The following CHAF1A variants were observed in gnomAD, a reference collection of about 807,000 sequenced individuals.
The protein encoded by CHAF1A is CAF-1 subunit A.
In CHAF1A, 5 loss-of-function variants were observed where a neutral mutation model predicts 93.2. The observed-to-expected ratio is 0.05, with a 90% CI of 0.03 to 0.11. The LOEUF is 0.11. CHAF1A is among the 10% of genes least tolerant of loss of function. The pLI is 1.00. For missense variants in CHAF1A, 1,102 were observed against 1,259.9 expected, an observed-to-expected ratio of 0.87 and a Z score of 1.90; for synonymous variants, 504 against 510.3, an observed-to-expected ratio of 0.99 and a Z score of 0.17.
At chr19:4,434,720 A>G (rs548602406) in intron 13 of CHAF1A, among the ~76,000 whole-genome samples, 3 of 151,966 alleles carry the variant, frequency 2.0e-5, no homozygotes, top group Non-Finnish European at 2.9e-5. Context: ...TTTTTGTTCA[A>G]CGGTTCTTGA....
intron 12 of CHAF1A, 75 bp from the exon 13 acceptor site, chr19:4,432,995 A>G: frequency 8.5e-7 from 1 of 1,172,834 alleles, no homozygotes. Flanking sequence ...GAGCTTGTGT[A>G]TGTGTTTTGT....
chr19:4,405,047 T>C (rs1973654963), intron 1 of CHAF1A, among the ~76,000 whole-genome samples: 2 of 152,124 alleles, frequency 1.3e-5, no homozygotes, highest in South Asian at 4.1e-4. Flanking sequence ...TGTTTGGGGA[T>C]CATGGGAATG....
downstream of CHAF1A, chr19:4,449,545 A>G (rs1255384113): frequency 6.6e-6 from 1 of 152,414 alleles, no homozygotes; most frequent in Non-Finnish European, 1.5e-5. Context: ...CATGTCCCCA[A>G]GACAACAGCT....
At chr19:4,419,237 C>G (rs1354341115) in intron 4 of CHAF1A, among the ~76,000 whole-genome samples, 1 of 151,766 alleles carries the variant, frequency 6.6e-6, no homozygotes, top group Admixed American at 6.6e-5. Flanking sequence ...CATGTCATAC[C>G]GAAACAAACC....
chr19:4,405,106 C>G (rs955340373), intron 1 of CHAF1A, among the ~76,000 whole-genome samples: 5 of 152,106 alleles, frequency 3.3e-5, no homozygotes, highest in African/African-American at 1.2e-4. Context: ...ACTCATTCCA[C>G]TTTCATTTCA....
intron 3 of CHAF1A, among the ~76,000 whole-genome samples, chr19:4,415,480 T>G (rs1294745409): frequency 1.3e-5 from 2 of 152,180 alleles, no homozygotes; most frequent in African/African-American, 2.4e-5. Flanking sequence ...ACATTCCGTA[T>G]TATAATCTCT....
chr19:4,429,448 A>C lies in CHAF1A; in HGVS notation c.1615A>C (p.Ile539Leu). Residue 539 changes from isoleucine (I) to leucine (L), a missense_variant, in exon 9 of 15, where the codon ATC (isoleucine) becomes CTC (leucine). Ile to Leu is a conservative substitution (Grantham distance 5). Coordinates refer to ENST00000301280, the MANE Select transcript of CHAF1A (RefSeq NM_005483.3). ...GGTTTTCCTTCTCAGTGATGTCGTC[A>C]TCGTGGAGCGTGGGAAGGGCGACGG... ...NADIFNSDVV[I>L]VERGKGDGVP... 6.2e-7 allele frequency: 1 copy of C among 1,613,858 alleles called. No homozygotes were observed. The highest frequency in any genetic ancestry group is 1.1e-5 in the South Asian group (1 of 91,068).
downstream of CHAF1A, chr19:4,448,766 T>G (rs1314013178): frequency 1.8e-5 from 5 of 270,970 alleles, no homozygotes; most frequent in East Asian, 4.5e-4. Context: ...CCACCGCCAC[T>G]TACAGAACCT....
At chr19:4,426,093 G>GT (rs1408544927) in intron 7 of CHAF1A, among the ~76,000 whole-genome samples, 4 of 145,226 alleles carry the variant, frequency 2.8e-5, no homozygotes, top group East Asian at 2.0e-4. Flanking sequence ...TGATCTGTAA[G>GT]TTTTTTTTAA....
chr19:4,447,002 C>T (rs956966534), downstream of CHAF1A: 1 of 1,384,836 alleles, frequency 7.2e-7, no homozygotes, highest in African/African-American at 1.4e-5. Flanking sequence ...AGGGGCCCGG[C>T]TCTCGCTATT....
At chr19:4,408,483 TTTTTTTTTG>T (rs1973726541) in intron 2 of CHAF1A, among the ~76,000 whole-genome samples, 4 of 119,560 alleles carry the variant, frequency 3.3e-5, no homozygotes, top group African/African-American at 1.4e-4. Context: ...TTTTTTTTTT[TTTTTTTTTG>T]AGAGGGAGTC....
At chr19:4,416,077 G>A (rs913996535) in intron 3 of CHAF1A, among the ~76,000 whole-genome samples, 1 of 152,164 alleles carries the variant, frequency 6.6e-6, no homozygotes, top group Admixed American at 6.5e-5. Context: ...GGCAGACTGA[G>A]GCAGGAGAAT....
At chr19:4,442,064 C>T (rs1974400551) in intron 13 of CHAF1A, among the ~76,000 whole-genome samples, 181 bp from the exon 14 acceptor site, 1 of 152,158 alleles carries the variant, frequency 6.6e-6, no homozygotes, top group Non-Finnish European at 1.5e-5. Context: ...TGGTTGTGGC[C>T]TCTTGAATAA....
chr19:4,448,994 C>T (rs79412879), downstream of CHAF1A: 297 of 155,678 alleles, frequency 1.9e-3, 1 homozygote, highest in African/African-American at 6.8e-3. Context: ...TGCCCCTCCC[C>T]GAGGTCCCAC....
intron 7 of CHAF1A, among the ~76,000 whole-genome samples, chr19:4,425,080 T>G (rs1293489177): frequency 6.6e-6 from 1 of 152,160 alleles, no homozygotes; most frequent in Non-Finnish European, 1.5e-5. Flanking sequence ...TGGCCTGTCC[T>G]TTTATTTGTA....
chr19:4,447,148 G>A (rs575609882), downstream of CHAF1A: 658 of 598,498 alleles, frequency 1.1e-3, 10 homozygotes, highest in South Asian at 0.012. Flanking sequence ...AACCAGGCAC[G>A]AAGAGTGAGG....
rs762853513 is a variant in CHAF1A, at chr19:4,423,887, C to A, written c.1377+13C>A. 1.2e-6 allele frequency: 2 copies of A among 1,613,624 alleles called. No homozygotes were observed. The highest frequency in any genetic ancestry group is 3.3e-5 in the Admixed American group (2 of 60,006). On this transcript the variant is annotated intron_variant, in intron 7 of 14. Transcript: ENST00000301280. ...ACAGGCCCCCAAGGTGAGCAGCCGGCTGCCTTTGCTTTTGGGTTTCAGCTC... is the reference window on the plus strand; with the variant it reads ...ACAGGCCCCCAAGGTGAGCAGCCGGATGCCTTTGCTTTTGGGTTTCAGCTC...
intron 13 of CHAF1A, among the ~76,000 whole-genome samples, chr19:4,436,935 G>C (rs1974294627): frequency 6.6e-6 from 1 of 152,216 alleles, no homozygotes; most frequent in Non-Finnish European, 1.5e-5. Flanking sequence ...GTGAGTGCCT[G>C]TTTATCATCC....
chr19:4,429,722 T>C lies in CHAF1A; in HGVS notation c.1788T>C (p.Tyr596=). Residue 596 remains tyrosine, a synonymous_variant, in exon 10 of 15, where the codon TAT becomes TAC. Transcript: ENST00000301280. ...TCTTTTCTCAGAAGCTCCTGGACTA[T>C]GAGGTGGACAGTGATGAGGAGTGGG... The part of the protein sequence containing the change: ...PWAQDTKLLD[Y]EVDSDEEWEE... The C allele has an allele frequency of 6.2e-7, 1 of 1,614,032 alleles. No individual in the cohort carries two copies. Among genetic ancestry groups the C allele is most frequent in the Non-Finnish European group, 8.5e-7 (1 of 1,179,982 alleles).
Sources: allele counts gnomAD v4.1 joint callset (sites outside exome capture counted in the v4.1 genomes callset), GRCh38; gene constraint gnomAD v4.1.1; transcripts MANE v1.5; gene names NCBI Gene and HGNC (gene_info 2026-07-23, HGNC 2026-07-21).